The following SPATA6 variants were observed in gnomAD, a reference collection of about 807,000 sequenced individuals.
SPATA6 encodes the protein spermatogenesis-associated protein 6.
Under a neutral mutation model 65.3 loss-of-function variants are expected in SPATA6, and 56 were observed. That is an observed-to-expected ratio of 0.86 (90% CI 0.69 to 1.07). The LOEUF (loss-of-function observed/expected upper bound fraction) is 1.07, where lower values mean the gene tolerates loss of function less well. SPATA6 is among the 50% of genes least tolerant of loss of function. SPATA6 has a pLI of 0.00. For missense variants in SPATA6, 590 were observed against 594.8 expected (o/e 0.99, Z 0.08); for synonymous variants, 199 against 213.2 (o/e 0.93, Z 0.58).
chr1:48,380,325 G>A (rs1648417483), intron 9 of SPATA6, among the ~76,000 whole-genome samples: 1 of 152,086 alleles, frequency 6.6e-6, no homozygotes, highest in Non-Finnish European at 1.5e-5. Flanking sequence ...ATATTTATAT[G>A]ACAATCTACC....
chr1:48,367,255 A>C (rs181967883), intron 9 of SPATA6, among the ~76,000 whole-genome samples: 13 of 152,356 alleles, frequency 8.5e-5, no homozygotes, highest in African/African-American at 2.9e-4. Flanking sequence ...TGTGGTGCTT[A>C]AAAGAATGTA....
chr1:48,306,706 T>G (rs1181316804), intron 11 of SPATA6, among the ~76,000 whole-genome samples: 1 of 151,924 alleles, frequency 6.6e-6, no homozygotes, highest in African/African-American at 2.4e-5. Flanking sequence ...ATGTAAGAAA[T>G]CAGCTGAATG....
intron 9 of SPATA6, among the ~76,000 whole-genome samples, chr1:48,374,869 T>A (rs1054783360): frequency 8.5e-5 from 13 of 152,260 alleles, no homozygotes; most frequent in African/African-American, 2.9e-4. Flanking sequence ...CAAAACCATA[T>A]AAATATCAGC....
At position 48,403,784 on chromosome 1, in the gene SPATA6, T is replaced by A; in HGVS notation, c.486+18A>T. On this transcript the variant is annotated intron_variant, in intron 6 of 12. Coordinates refer to ENST00000371847, the MANE Select transcript of SPATA6 (RefSeq NM_019073.4). ...AAATAAATTAAACCATTAAATACTT[T>A]ATACAAATAATTTTAACCTGAGTGT... 1 of 1,576,572 alleles carries A rather than the reference T, an allele frequency of 6.3e-7. No homozygotes were observed. The highest frequency in any genetic ancestry group is 8.6e-7 in the Non-Finnish European group (1 of 1,156,372).
At chr1:48,346,469 G>T (rs1646368829) in intron 11 of SPATA6, among the ~76,000 whole-genome samples, 1 of 152,044 alleles carries the variant, frequency 6.6e-6, no homozygotes, top group African/African-American at 2.4e-5. Flanking sequence ...TGGAAATCCT[G>T]GACGGAGCAA....
chr1:48,274,693 G>A, the SPATA6 span, among the ~76,000 whole-genome samples: 1 of 152,024 alleles, frequency 6.6e-6, no homozygotes, highest in South Asian at 2.1e-4. Context: ...TGTTCCATTG[G>A]TCTATATATC....
At chr1:48,377,248 A>T (rs1648026154) in intron 9 of SPATA6, among the ~76,000 whole-genome samples, 1 of 152,054 alleles carries the variant, frequency 6.6e-6, no homozygotes, top group African/African-American at 2.4e-5. Flanking sequence ...AAATCATTTC[A>T]TTTGCTCCCA....
At chr1:48,323,256 A>G (rs1645652192) in intron 11 of SPATA6, among the ~76,000 whole-genome samples, 1 of 152,202 alleles carries the variant, frequency 6.6e-6, no homozygotes, top group Non-Finnish European at 1.5e-5. Flanking sequence ...TGATGAGTTC[A>G]TGTCCTTTGC....
chr1:48,291,271 T>G (rs956502070), downstream of SPATA6, among the ~76,000 whole-genome samples: 2 of 152,010 alleles, frequency 1.3e-5, no homozygotes, highest in African/African-American at 4.8e-5. Context: ...GAGGATCAGG[T>G]GGTAGGCAGG....
intron 11 of SPATA6, among the ~76,000 whole-genome samples, chr1:48,307,350 A>T (rs1462081526): frequency 6.8e-6 from 1 of 148,080 alleles, no homozygotes; most frequent in African/African-American, 2.4e-5. Context: ...GATATTTTAT[A>T]TATATATAAT....
chr1:48,414,816 GCA>G (rs1652605534), intron 3 of SPATA6, among the ~76,000 whole-genome samples: 2 of 152,012 alleles, frequency 1.3e-5, no homozygotes, highest in African/African-American at 4.8e-5. Context: ...ATACTACACA[GCA>G]AAAAAACAGT....
chr1:48,410,982 A>G (rs1266801053), intron 5 of SPATA6, among the ~76,000 whole-genome samples: 1 of 152,228 alleles, frequency 6.6e-6, no homozygotes, highest in Non-Finnish European at 1.5e-5. Flanking sequence ...CCAATCTTAT[A>G]GCTATATAAA....
intron 11 of SPATA6, among the ~76,000 whole-genome samples, chr1:48,345,657 A>G (rs1404657572): frequency 1.3e-5 from 2 of 152,058 alleles, no homozygotes; most frequent in Admixed American, 6.6e-5. Context: ...CAACAAGGGG[A>G]TATTACCACT....
chr1:48,403,717 G>T, intron 6 of SPATA6, 85 bp downstream of exon 6: 2 of 1,106,822 alleles, frequency 1.8e-6, no homozygotes, highest in Non-Finnish European at 2.6e-6. Context: ...AAGAGCTGCA[G>T]CCAAAATAAA....
At chr1:48,304,520 AT>A (rs1166566692) in intron 12 of SPATA6, among the ~76,000 whole-genome samples, 1 of 152,038 alleles carries the variant, frequency 6.6e-6, no homozygotes, top group African/African-American at 2.4e-5. Context: ...TATTGTATTT[AT>A]TTTGTAGAGA....
At chr1:48,277,267 T>C in the SPATA6 span, among the ~76,000 whole-genome samples, 76 of 152,182 alleles carry the variant, frequency 5.0e-4, no homozygotes, top group African/African-American at 1.6e-3. Context: ...AGATGGGTGA[T>C]TTCTGCATTT....
chr1:48,445,701 C>T (rs576880253), intron 3 of SPATA6, among the ~76,000 whole-genome samples: 8 of 140,468 alleles, frequency 5.7e-5, no homozygotes, highest in African/African-American at 2.2e-4. Flanking sequence ...AACACATGTA[C>T]CACCTGAACG....
intron 11 of SPATA6, among the ~76,000 whole-genome samples, chr1:48,316,916 A>G (rs1645444554): frequency 1.3e-5 from 2 of 152,238 alleles, no homozygotes; most frequent in Non-Finnish European, 2.9e-5. Context: ...CAGCCAACAG[A>G]CACATGAAAA....
intron 3 of SPATA6, among the ~76,000 whole-genome samples, chr1:48,442,791 T>C (rs1409556337): frequency 7.2e-6 from 1 of 139,566 alleles, no homozygotes; most frequent in East Asian, 2.3e-4. Context: ...TTAAAACCTA[T>C]AATGATAATT....
Sources: gnomAD v4.1 joint callset for allele counts (sites outside exome capture counted in the v4.1 genomes callset) on GRCh38, gnomAD v4.1.1 for gene constraint, MANE v1.5 for transcripts, NCBI Gene and HGNC (gene_info 2026-07-23, HGNC 2026-07-21) for gene names.